BAZ1A: variants seen among roughly 807,000 people sequenced by gnomAD.
The protein encoded by BAZ1A is bromodomain adjacent to zinc finger domain 1A, also known as bromodomain adjacent to zinc finger domain protein 1A.
A neutral mutation model predicts 185.2 loss-of-function variants in BAZ1A; 50 were observed. The observed-to-expected ratio is 0.27, with a 90% confidence interval of 0.22 to 0.34. The LOEUF (loss-of-function observed/expected upper bound fraction) is 0.34, where lower values mean the gene tolerates loss of function less well. BAZ1A is among the 10% of genes least tolerant of loss of function. The pLI is 1.00. For synonymous variants in BAZ1A, 571 were observed against 615.6 expected (o/e 0.93, Z 1.07); for missense variants, 1,356 against 1,839.9 (o/e 0.74, Z 4.81).
intron 17 of BAZ1A, among the ~76,000 whole-genome samples, chr14:34,777,008 C>T (rs1879670982): frequency 6.6e-6 from 1 of 152,178 alleles, no homozygotes; most frequent in Non-Finnish European, 1.5e-5. Context: ...AATCAATATA[C>T]TTAAATCTAA....
At chr14:34,864,752 G>C (rs2042827551) in intron 2 of BAZ1A, among the ~76,000 whole-genome samples, 1 of 149,388 alleles carries the variant, frequency 6.7e-6, no homozygotes, top group South Asian at 2.1e-4. Flanking sequence ...TTATAGGCGT[G>C]AGCCACCGCA....
intron 2 of BAZ1A, among the ~76,000 whole-genome samples, chr14:34,862,834 T>TA (rs1379666088): frequency 6.6e-6 from 1 of 151,624 alleles, no homozygotes; most frequent in East Asian, 1.9e-4. Flanking sequence ...AAAAGGTACC[T>TA]ATAGAAGCAT....
intron 3 of BAZ1A, among the ~76,000 whole-genome samples, chr14:34,859,340 G>A (rs941092141): frequency 6.6e-6 from 1 of 151,804 alleles, no homozygotes; most frequent in Non-Finnish European, 1.5e-5. Flanking sequence ...AGGCTGAGGC[G>A]GGATGACTGC....
At chr14:34,872,209 G>C (rs2042959475) in intron 2 of BAZ1A, among the ~76,000 whole-genome samples, 1 of 151,972 alleles carries the variant, frequency 6.6e-6, no homozygotes, top group Non-Finnish European at 1.5e-5. Context: ...AAACACTTCA[G>C]CATAAGGGAA....
intron 3 of BAZ1A, among the ~76,000 whole-genome samples, chr14:34,850,742 C>G (rs944941153): frequency 2.0e-5 from 3 of 152,168 alleles, no homozygotes; most frequent in Non-Finnish European, 4.4e-5. Context: ...TAGCAAGTAT[C>G]TTTTCTCTTG....
At chr14:34,827,243 T>C (rs1168386927) in intron 3 of BAZ1A, among the ~76,000 whole-genome samples, 2 of 152,190 alleles carry the variant, frequency 1.3e-5, no homozygotes, top group Non-Finnish European at 2.9e-5. Context: ...TTGAGAAGAA[T>C]GTGTATTGTT....
At chr14:34,865,302 G>A (rs1303115445) in intron 2 of BAZ1A, among the ~76,000 whole-genome samples, 1 of 152,040 alleles carries the variant, frequency 6.6e-6, no homozygotes, top group Non-Finnish European at 1.5e-5. Context: ...GGTTAACAAT[G>A]GCTGCCTCTA....
chr14:34,810,109 C>G (rs1056442212), intron 5 of BAZ1A, among the ~76,000 whole-genome samples: 1 of 151,986 alleles, frequency 6.6e-6, no homozygotes, highest in African/African-American at 2.4e-5. Flanking sequence ...TTATCACTTT[C>G]GTTTGGATAC....
chr14:34,857,010 C>CT (rs957739210), intron 3 of BAZ1A, among the ~76,000 whole-genome samples: 1,957 of 141,250 alleles, frequency 0.014, 27 homozygotes, highest in African/African-American at 0.023. Flanking sequence ...CATCTTTTTT[C>CT]TTTTTTTTTT....
Position 34,864,630 on chromosome 14 carries a change from G to A in BAZ1A, c.114-2308C>T, listed in dbSNP as rs540062582. Among the ~76,000 whole-genome samples, 940 of 150,684 alleles carry A rather than the reference G, an allele frequency of 6.2e-3. 17 individuals are homozygous for A. The highest frequency in any genetic ancestry group is 0.022 in the African/African-American group (904 of 40,930). Reference sequence around the variant, plus strand: ...TGAGTAGCTGGGATTACAGACGCGCGCCACCACACCCAGCTAATTTTTGTA... The same window carrying A: ...TGAGTAGCTGGGATTACAGACGCGCACCACCACACCCAGCTAATTTTTGTA... On this transcript the variant is annotated intron_variant, in intron 2 of 26. Transcript: ENST00000360310.
At position 34,794,742 on chromosome 14, in the gene BAZ1A, C is replaced by T. The variant is rs765893975; in HGVS notation, c.1363+7G>A. On this transcript the variant is annotated splice_region_variant and intron_variant, in intron 11 of 26. Transcript: ENST00000360310. ...ATAATGTAGCAATAGATAACTAAAGCACTTGCCTAGGGTTACTCCATCAGG... is the reference window on the plus strand; with the variant it reads ...ATAATGTAGCAATAGATAACTAAAGTACTTGCCTAGGGTTACTCCATCAGG... The T allele has an allele frequency of 5.6e-6, 9 of 1,604,862 alleles. No homozygotes were observed. In the African/African-American group the frequency reaches 1.2e-4, roughly 22 times the overall value.
intron 3 of BAZ1A, among the ~76,000 whole-genome samples, chr14:34,829,267 G>GAAAAAAAAAA (rs60176426): frequency 3.5e-5 from 3 of 86,488 alleles, no homozygotes; most frequent in African/African-American, 9.3e-5. Context: ...CTCTGTCTCT[G>GAAAAAAAAAA]AAAAAAAAAA....
intron 3 of BAZ1A, 100 bp from the exon 4 acceptor site, chr14:34,826,256 G>T: frequency 8.1e-7 from 1 of 1,241,440 alleles, no homozygotes; most frequent in Non-Finnish European, 1.1e-6. Context: ...ATTTTGTTTT[G>T]CAGAGGCTAT....
In BAZ1A at chr14:34,766,601, C is replaced by T. The variant is rs74043548; in HGVS notation, c.3302-1333G>A. 3.8e-3 allele frequency among the ~76,000 whole-genome samples: 586 copies of T among 152,236 alleles called. 5 individuals are homozygous for T. The highest frequency in any genetic ancestry group is 0.014 in the African/African-American group (563 of 41,542). On this transcript the variant is annotated intron_variant, in intron 21 of 26. Transcript: ENST00000360310. ...AATGGAGAGCAAGGAAGTTGATTCA[C>T]CTAGACTTCGGCGTTGGTTAGAAAG...
At chr14:34,807,683 T>C in intron 5 of BAZ1A, 145 bp from the exon 6 acceptor site, 1 of 525,992 alleles carries the variant, frequency 1.9e-6, no homozygotes, top group East Asian at 3.1e-5. Flanking sequence ...AGTATTTATG[T>C]AGAAGTTACA....
chr14:34,826,119 G>A lies in BAZ1A; in HGVS notation c.430C>T (p.His144Tyr). The A allele has an allele frequency of 1.9e-6, 3 of 1,612,158 alleles. No homozygotes were observed. In the South Asian group the frequency reaches 3.3e-5, roughly 18 times the overall value. ...TGTCCATTAGCAAAACCATTTTGATGTGATGGAGGGAGGACTTCCAAAATC... is the reference window on the plus strand; with the variant it reads ...TGTCCATTAGCAAAACCATTTTGATATGATGGAGGGAGGACTTCCAAAATC... ...CRILEVLPPS[H>Y]QNGFANGHVN... Residue 144 changes from histidine to tyrosine, a missense_variant, in exon 4 of 27, where the codon CAT (histidine) becomes TAT (tyrosine). This residue lies in a region of BAZ1A where 332 missense variants were observed against 395.3 expected (regional missense o/e 0.84). Coordinates refer to ENST00000360310, the MANE Select transcript of BAZ1A (RefSeq NM_013448.3).
chr14:34,757,180 C>T lies in BAZ1A; in HGVS notation c.4386+1524G>A, dbSNP rs569713540. Among the ~76,000 whole-genome samples, 4 of 152,100 alleles carry T rather than the reference C, an allele frequency of 2.6e-5. No homozygotes were observed. The East Asian group carries it at 7.7e-4, about 29-fold the overall frequency. On this transcript the variant is annotated intron_variant, in intron 25 of 26. Transcript: ENST00000360310. ...AGGAGTTTGAGACCAGCCTGGCCAA[C>T]ATGGTGAAACCCTGTCTCTACTAAA...
intron 4 of BAZ1A, among the ~76,000 whole-genome samples, chr14:34,822,588 C>G (rs541011374): frequency 6.6e-6 from 1 of 152,222 alleles, no homozygotes; most frequent in South Asian, 2.1e-4. Flanking sequence ...ACACTCCAGC[C>G]TGGGTGACAG....
At chr14:34,755,952 CTG>C (rs1322150843) in intron 25 of BAZ1A, among the ~76,000 whole-genome samples, 1 of 151,294 alleles carries the variant, frequency 6.6e-6, no homozygotes. Flanking sequence ...TCCCAAGTAA[CTG>C]AGACTAAAGT....
Sources: gnomAD v4.1 joint callset for allele counts (sites outside exome capture counted in the v4.1 genomes callset) on GRCh38, gnomAD v4.1.1 for gene constraint, gnomAD v4.1.1 regional missense constraint, MANE v1.5 for transcripts, NCBI Gene and HGNC (gene_info 2026-07-23, HGNC 2026-07-21) for gene names.